Variants in PCDH7 observed in about 807,000 individuals in gnomAD.
The protein encoded by PCDH7 is protocadherin-7.
PCDH7 carries 17 observed loss-of-function variants against 58.9 expected under a neutral mutation model. The ratio of observed to expected loss-of-function variants is 0.29; its 90% CI spans 0.20 to 0.43. The LOEUF (loss-of-function observed/expected upper bound fraction) is 0.43, where lower values mean the gene tolerates loss of function less well. Among genes scored for constraint, PCDH7 ranks in the 20% least tolerant of loss-of-function variants. PCDH7 has a pLI of 1.00. For synonymous variants in PCDH7, 664 were observed against 616.4 expected (o/e 1.08, Z -1.14); for missense variants, 1,274 against 1,441.0 (o/e 0.88, Z 1.88).
chr4:30,753,311 A>G (rs1341224687), intron 1 of PCDH7, among the ~76,000 whole-genome samples: 1 of 152,194 alleles, frequency 6.6e-6, no homozygotes, highest in Non-Finnish European at 1.5e-5. Flanking sequence ...TGTTCTTGAT[A>G]AGGAACCAGA....
chr4:30,724,368 C>A (rs372075213), exon 1 of PCDH7: 56 of 1,613,900 alleles, frequency 3.5e-5, no homozygotes, highest in Admixed American at 5.0e-5. Flanking sequence ...GATACAGGTC[C>A]GTTAATGGTG....
At chr4:30,730,444 A>T (rs1221820747) in intron 1 of PCDH7, among the ~76,000 whole-genome samples, 1 of 152,146 alleles carries the variant, frequency 6.6e-6, no homozygotes, top group Non-Finnish European at 1.5e-5. Context: ...CTTAATTATC[A>T]CTTCTGGTGA....
intron 3 of PCDH7, among the ~76,000 whole-genome samples, chr4:31,072,880 A>G (rs964847679): frequency 6.6e-6 from 1 of 152,146 alleles, no homozygotes; most frequent in Admixed American, 6.6e-5. Context: ...GCAGCTGTGT[A>G]GGGGTCATTC....
intron 1 of PCDH7, among the ~76,000 whole-genome samples, chr4:30,863,882 G>C (rs1010915745): frequency 6.6e-6 from 1 of 152,078 alleles, no homozygotes; most frequent in Non-Finnish European, 1.5e-5. Flanking sequence ...CTTTCCTGAA[G>C]CATACATCTG....
chr4:31,001,683 C>T (rs1019823742), intron 3 of PCDH7, among the ~76,000 whole-genome samples: 8 of 152,072 alleles, frequency 5.3e-5, no homozygotes, highest in Admixed American at 3.9e-4. Flanking sequence ...CTAACCTAGT[C>T]ATTAAATCGT....
intron 1 of PCDH7, among the ~76,000 whole-genome samples, chr4:30,738,401 A>G (rs1475392339): frequency 6.6e-6 from 1 of 152,156 alleles, no homozygotes; most frequent in East Asian, 1.9e-4. Flanking sequence ...AAATTGAAAA[A>G]AAAAAAAGGT....
intron 3 of PCDH7, among the ~76,000 whole-genome samples, chr4:31,114,130 G>T (rs1053643952): frequency 1.3e-5 from 2 of 151,948 alleles, no homozygotes; most frequent in Non-Finnish European, 2.9e-5. Flanking sequence ...CACTGCAGCC[G>T]GCCTAAAATT....
At chr4:30,866,503 G>A (rs1734895284) in intron 1 of PCDH7, among the ~76,000 whole-genome samples, 1 of 152,086 alleles carries the variant, frequency 6.6e-6, no homozygotes, top group Non-Finnish European at 1.5e-5. Context: ...TTTTAATAGA[G>A]GCATTTTTGG....
intron 3 of PCDH7, among the ~76,000 whole-genome samples, chr4:31,093,774 G>A (rs1260932876): frequency 1.3e-5 from 2 of 152,046 alleles, no homozygotes; most frequent in Non-Finnish European, 2.9e-5. Context: ...GCAACCACAT[G>A]AGCCAAAGCG....
downstream of PCDH7, chr4:31,146,514 A>G (rs1356841146): frequency 6.6e-6 from 1 of 152,116 alleles, no homozygotes; most frequent in Non-Finnish European, 1.5e-5. Context: ...CTTTTCCTAC[A>G]GTTTAAAGCA....
At chr4:30,750,195 A>T (rs1323653046) in intron 1 of PCDH7, among the ~76,000 whole-genome samples, 18 of 152,128 alleles carry the variant, frequency 1.2e-4, no homozygotes, top group Admixed American at 1.2e-3. Context: ...AGCACTAGAG[A>T]GAGGGAGAAG....
intron 3 of PCDH7, among the ~76,000 whole-genome samples, chr4:31,116,045 T>A (rs1222904808): frequency 6.6e-6 from 1 of 152,192 alleles, no homozygotes; most frequent in South Asian, 2.1e-4. Context: ...AAAATCCCTG[T>A]CTATATGCAG....
intron 1 of PCDH7, among the ~76,000 whole-genome samples, chr4:30,825,184 C>T (rs1165175306): frequency 6.6e-6 from 1 of 152,084 alleles, no homozygotes; most frequent in African/African-American, 2.4e-5. Context: ...TTCCTTCCTC[C>T]CTCTAGTGCT....
intron 3 of PCDH7, among the ~76,000 whole-genome samples, chr4:31,014,186 T>C (rs1002020519): frequency 1.9e-4 from 29 of 151,772 alleles, no homozygotes; most frequent in African/African-American, 7.0e-4. Context: ...ACAGCAAAAA[T>C]CTACCCAGAG....
chr4:30,939,940 C>A lies in PCDH7; in HGVS notation c.288-10180C>A, dbSNP rs529279882. Among the ~76,000 whole-genome samples, 79 of 151,912 alleles carry A rather than the reference C, an allele frequency of 5.2e-4. 1 individual carries two copies. The highest frequency in any genetic ancestry group is 9.0e-4 in the Non-Finnish European group (61 of 67,960). ...TTTTGATGTATTTCTTTACCTGTTTCTTTTATTGGCAAGAAATGGAAGAGT... is the reference window on the plus strand; with the variant it reads ...TTTTGATGTATTTCTTTACCTGTTTATTTTATTGGCAAGAAATGGAAGAGT... On this transcript the variant is annotated intron_variant, in intron 2 of 3. Transcript: ENST00000509759.
chr4:31,106,021 A>T (rs35950928), intron 3 of PCDH7, among the ~76,000 whole-genome samples: 167 of 100,600 alleles, frequency 1.7e-3, no homozygotes, highest in South Asian at 3.2e-3. Context: ...AAAGAAAAAA[A>T]AAATATATAT....
rs374542374 is a variant in PCDH7 at position 30,728,387 on chromosome 4, T to A, written c.3175-2366T>A. ...TGATGCCAACCATAGCTTCCAGTGC[T>A]CATTCTGTAAGCATAATTTTTACAA... On this transcript the variant is annotated intron_variant, in intron 1 of 1. Transcript: ENST00000361762. 1.5e-4 allele frequency among the ~76,000 whole-genome samples: 23 copies of A among 151,768 alleles called. No homozygotes were observed. The East Asian group carries it at 3.9e-3, about 26-fold the overall frequency.
chr4:30,855,610 T>C (rs1733353281), intron 1 of PCDH7, among the ~76,000 whole-genome samples: 1 of 152,170 alleles, frequency 6.6e-6, no homozygotes, highest in Admixed American at 6.6e-5. Flanking sequence ...GGGTCGTATA[T>C]CAATGCAAGT....
intron 1 of PCDH7, among the ~76,000 whole-genome samples, chr4:30,816,536 T>G (rs986597699): frequency 4.0e-5 from 6 of 149,854 alleles, no homozygotes; most frequent in Non-Finnish European, 9.0e-5. Context: ...TAAGGTGATA[T>G]TTTGGAATGA....
Sources: gnomAD v4.1 joint callset for allele counts (sites outside exome capture counted in the v4.1 genomes callset) on GRCh38, gnomAD v4.1.1 for gene constraint, MANE v1.5 for transcripts, NCBI Gene and HGNC (gene_info 2026-07-23, HGNC 2026-07-21) for gene names.